The following C2orf42 variants were observed in gnomAD, a reference collection of about 807,000 sequenced individuals.
C2orf42 encodes the protein chromosome 2 open reading frame 42.
In C2orf42, 44 loss-of-function variants were observed where a neutral mutation model predicts 58.9. The ratio of observed to expected loss-of-function variants is 0.75; its 90% CI spans 0.59 to 0.96. The LOEUF is 0.96. Among genes scored for constraint, C2orf42 ranks in the 40% least tolerant of loss-of-function variants. The pLI, the probability that C2orf42 is intolerant of heterozygous loss-of-function variation, is 0.00. For missense variants in C2orf42, 630 were observed against 699.2 expected (o/e 0.90, Z 1.12); for synonymous variants, 239 against 265.4 (o/e 0.90, Z 0.97).
At position 70,167,769 on chromosome 2, in the gene C2orf42, G is replaced by A. The variant is rs1223296801; in HGVS notation, c.1144+1788C>T. ...ATAAAAAAGAATTAACTTCAAAAAG[G>A]TAAAACACACACACTCATAGTCAAG... On this transcript the variant is annotated intron_variant, in intron 6 of 9. Coordinates refer to ENST00000264434, the MANE Select transcript of C2orf42 (RefSeq NM_017880.3). Among the ~76,000 whole-genome samples, 7 of 151,752 alleles carry A rather than the reference G, an allele frequency of 4.6e-5. No homozygotes were observed. In the East Asian group the frequency reaches 1.4e-3, roughly 29 times the overall value.
intron 1 of C2orf42, among the ~76,000 whole-genome samples, chr2:70,185,015 G>A (rs867695490): frequency 7.0e-4 from 107 of 151,914 alleles, no homozygotes; most frequent in African/African-American, 2.5e-3. Flanking sequence ...GCGTGAACCC[G>A]GGAGACAGAG....
intron 6 of C2orf42, among the ~76,000 whole-genome samples, chr2:70,167,728 A>G (rs1048538525): frequency 6.6e-6 from 1 of 151,944 alleles, no homozygotes; most frequent in African/African-American, 2.4e-5. Flanking sequence ...GTGACAGAGC[A>G]AGACTGTCTC....
At chr2:70,162,848 T>G (rs1436255363) in intron 8 of C2orf42, among the ~76,000 whole-genome samples, 1 of 152,176 alleles carries the variant, frequency 6.6e-6, no homozygotes, top group Non-Finnish European at 1.5e-5. Flanking sequence ...ACTCTTAATG[T>G]ATCAAATCAC....
chr2:70,181,293 C>G lies in C2orf42; in HGVS notation c.693G>C (p.Ser231=). 1.2e-6 allele frequency: 2 copies of G among 1,613,818 alleles called. No individual in the cohort carries two copies. The highest frequency in any genetic ancestry group is 1.7e-6 in the Non-Finnish European group (2 of 1,179,798). The change falls in exon 3 of 10, where the codon TCG becomes TCC. Residue 231 remains serine (S), a synonymous_variant. Transcript: ENST00000264434. The part of the protein sequence containing the change: ...RFFCSCQTLK[S]HKSNASKDET... ...CATCCTTGGAGGCATTTGACTTGTG[C>G]GATTTCAGAGTCTGACAGGAGCAGA...
At chr2:70,176,410 A>T (rs1196568016) in intron 4 of C2orf42, among the ~76,000 whole-genome samples, 1 of 151,886 alleles carries the variant, frequency 6.6e-6, no homozygotes, top group Non-Finnish European at 1.5e-5. Flanking sequence ...AGGCTGAGGC[A>T]GGAGAATCGC....
At chr2:70,188,469 C>T (rs892984012) in intron 1 of C2orf42, among the ~76,000 whole-genome samples, 2 of 152,122 alleles carry the variant, frequency 1.3e-5, no homozygotes, top group Non-Finnish European at 2.9e-5. Context: ...GGATTACAGG[C>T]GTGAGCCGCT....
intron 2 of C2orf42, 84 bp from the exon 3 acceptor site, chr2:70,182,081 G>A: frequency 1.5e-6 from 1 of 666,516 alleles, no homozygotes; most frequent in African/African-American, 1.8e-5. Flanking sequence ...AGTACAGAAG[G>A]CAAAATATAA....
At chr2:70,190,666 G>C (rs1325071822) in intron 1 of C2orf42, 1 of 152,100 alleles carries the variant, frequency 6.6e-6, no homozygotes, top group Non-Finnish European at 1.5e-5. Flanking sequence ...TCAACGGAGC[G>C]GCCGCCCGAC....
At chr2:70,185,796 C>CATAT (rs142755089) in intron 1 of C2orf42, among the ~76,000 whole-genome samples, 3,364 of 149,706 alleles carry the variant, frequency 0.022, 127 homozygotes, top group African/African-American at 0.078. Flanking sequence ...TACACACACA[C>CATAT]ATATATATAT....
chr2:70,174,081 G>A (rs543844905), intron 5 of C2orf42, among the ~76,000 whole-genome samples: 1 of 152,194 alleles, frequency 6.6e-6, no homozygotes, highest in East Asian at 1.9e-4. Context: ...GCTGAGGTGA[G>A]CAGATCACTT....
chr2:70,185,694 C>T (rs1392173256), intron 1 of C2orf42, among the ~76,000 whole-genome samples: 1 of 151,346 alleles, frequency 6.6e-6, no homozygotes. Flanking sequence ...GCCTGGGAAA[C>T]AGAGTGAGAC....
chr2:70,168,290 CTT>C (rs374244702), intron 6 of C2orf42, among the ~76,000 whole-genome samples: 60 of 132,002 alleles, frequency 4.5e-4, no homozygotes, highest in African/African-American at 9.5e-4. Flanking sequence ...CTATAGGATC[CTT>C]TTTTTTTTTT....
chr2:70,157,525 G>A (rs970459417), intron 9 of C2orf42, among the ~76,000 whole-genome samples: 2 of 152,124 alleles, frequency 1.3e-5, no homozygotes, highest in Admixed American at 6.6e-5. Flanking sequence ...AGCTGGGCGC[G>A]GTGGCTCACG....
chr2:70,183,408 G>A (rs553225024), intron 1 of C2orf42, among the ~76,000 whole-genome samples: 3 of 152,080 alleles, frequency 2.0e-5, no homozygotes, highest in African/African-American at 2.4e-5. Context: ...CAGCCTTGGC[G>A]ACAGAGCAGG....
intron 8 of C2orf42, among the ~76,000 whole-genome samples, chr2:70,163,618 G>A (rs1673205047): frequency 1.3e-5 from 2 of 152,146 alleles, no homozygotes; most frequent in South Asian, 4.1e-4. Context: ...GGGAAGCCAA[G>A]GTGGGCGGAT....
intron 9 of C2orf42, among the ~76,000 whole-genome samples, chr2:70,155,063 G>A (rs1672574679): frequency 6.6e-6 from 1 of 151,994 alleles, no homozygotes; most frequent in Admixed American, 6.6e-5. Flanking sequence ...GGCCAACATG[G>A]TGAAACCCCG....
intron 1 of C2orf42, among the ~76,000 whole-genome samples, chr2:70,187,595 G>T (rs1321218953): frequency 3.9e-5 from 6 of 152,096 alleles, no homozygotes; most frequent in Non-Finnish European, 8.8e-5. Context: ...GGCGATTTGT[G>T]AGTATCTTTA....
chr2:70,178,908 G>A (rs1277667479), intron 4 of C2orf42, among the ~76,000 whole-genome samples: 1 of 149,938 alleles, frequency 6.7e-6, no homozygotes, highest in Non-Finnish European at 1.5e-5. Flanking sequence ...CTGGGCGACA[G>A]AGCAAGACTC....
At chr2:70,171,675 C>T (rs1206378302) in intron 5 of C2orf42, among the ~76,000 whole-genome samples, 1 of 151,764 alleles carries the variant, frequency 6.6e-6, no homozygotes, top group Admixed American at 6.6e-5. Flanking sequence ...CCGTGCCTGG[C>T]TAATTTTTGT....
Sources: allele counts gnomAD v4.1 joint callset (sites outside exome capture counted in the v4.1 genomes callset), GRCh38; gene constraint gnomAD v4.1.1; transcripts MANE v1.5; gene names NCBI Gene and HGNC (gene_info 2026-07-23, HGNC 2026-07-21).